GTF3C2: variants seen among roughly 807,000 people sequenced by gnomAD.
GTF3C2 encodes the protein general transcription factor 3C polypeptide 2.
A neutral mutation model predicts 117.4 loss-of-function variants in GTF3C2; 17 were observed. The observed-to-expected ratio is 0.14, with a 90% CI of 0.10 to 0.22. The LOEUF (loss-of-function observed/expected upper bound fraction) is 0.22. Ranked by LOEUF, GTF3C2 falls within the 10% of genes least tolerant of loss-of-function variation. The probability of loss-of-function intolerance (pLI) is 1.00; values close to 1 mark genes in which losing one functional copy is unlikely to be tolerated. For synonymous variants in GTF3C2, 437 were observed against 427.0 expected (o/e 1.02, Z -0.29); for missense variants, 888 against 1,143.6 (o/e 0.78, Z 3.22).
chr2:27,326,670 C>G, exon 19 of GTF3C2: 1 of 1,609,904 alleles, frequency 6.2e-7, no homozygotes, highest in East Asian at 2.2e-5. Flanking sequence ...TGGTGTGGGC[C>G]AAGGCTAGGG....
intron 1 of GTF3C2, among the ~76,000 whole-genome samples, chr2:27,354,877 T>C (rs1002467152): frequency 1.3e-5 from 2 of 152,178 alleles, no homozygotes; most frequent in Non-Finnish European, 1.5e-5. Flanking sequence ...ACAAATGAGT[T>C]AAAATACTAT....
At chr2:27,338,909 C>T (rs186206721) in intron 4 of GTF3C2, among the ~76,000 whole-genome samples, 1 of 152,226 alleles carries the variant, frequency 6.6e-6, no homozygotes, top group Non-Finnish European at 1.5e-5. Flanking sequence ...CTCAAGCAAT[C>T]CTCTTGCCTC....
intron 1 of GTF3C2, among the ~76,000 whole-genome samples, chr2:27,346,379 T>G: frequency 3.7e-5 from 4 of 107,934 alleles, no homozygotes; most frequent in East Asian, 3.1e-4. Flanking sequence ...TGAGACAGAG[T>G]CTCATTCTGT....
chr2:27,338,086 A>G, intron 4 of GTF3C2, 66 bp from the exon 5 acceptor site: 1 of 943,680 alleles, frequency 1.1e-6, no homozygotes, highest in South Asian at 1.3e-5. Flanking sequence ...TCCCAGAGAC[A>G]GCTCTTTCCC....
At chr2:27,352,992 A>C (rs938711424) in intron 1 of GTF3C2, among the ~76,000 whole-genome samples, 5 of 151,672 alleles carry the variant, frequency 3.3e-5, no homozygotes, top group African/African-American at 1.2e-4. Flanking sequence ...TTGTTTGCAA[A>C]CTCACCTCTT....
intron 1 of GTF3C2, among the ~76,000 whole-genome samples, chr2:27,349,383 G>A (rs1201349297): frequency 2.7e-5 from 4 of 149,454 alleles, no homozygotes; most frequent in African/African-American, 9.9e-5. Flanking sequence ...TCCTGACCTC[G>A]TGATCCGCCC....
exon 19 of GTF3C2, chr2:27,326,865 T>C (rs781703987): frequency 2.5e-5 from 41 of 1,613,308 alleles, no homozygotes; most frequent in Non-Finnish European, 3.1e-5. Flanking sequence ...CAGCCATCCA[T>C]AGGAGTCCAG....
rs1202036317 is a variant in GTF3C2, at chr2:27,335,764, T to C, written c.1468-58A>G. ...CCTTCAGCTGACTCACAGAAAACCTTTGAGGTTCTAGTCCCTGAAATACTG... is the reference window on the plus strand; with the variant it reads ...CCTTCAGCTGACTCACAGAAAACCTCTGAGGTTCTAGTCCCTGAAATACTG... On this transcript the variant is annotated intron_variant, in intron 9 of 18. Coordinates refer to ENST00000264720, the Ensembl canonical transcript of GTF3C2. The C allele has an allele frequency of 1.8e-5, 23 of 1,244,040 alleles. No homozygotes were observed. The Admixed American group carries it at 4.4e-4, about 24-fold the overall frequency. 77.1% of individuals were successfully genotyped at this position (1,244,040 alleles called of 1,614,324 possible).
chr2:27,337,538 T>C, exon 6 of GTF3C2: 1 of 1,610,732 alleles, frequency 6.2e-7, no homozygotes, highest in Non-Finnish European at 8.5e-7. Context: ...AAACTCCCAG[T>C]ATGAATGTTT....
chr2:27,350,383 A>C (rs1216433944), intron 1 of GTF3C2: 3 of 983,030 alleles, frequency 3.1e-6, no homozygotes, highest in African/African-American at 1.7e-5. Flanking sequence ...TCTGACGCAC[A>C]CTCAAGCTGA....
exon 19 of GTF3C2, chr2:27,326,082 G>GT: frequency 2.5e-6 from 1 of 396,194 alleles, no homozygotes. Context: ...GGAATACTTC[G>GT]TAAGCAGGAG....
chr2:27,334,100 A>AC lies in GTF3C2; in HGVS notation c.1577-102dup. 3 of 829,386 alleles carry AC rather than the reference A, an allele frequency of 3.6e-6. No homozygotes were observed. The South Asian group carries it at 4.1e-5, about 11-fold the overall frequency. The allele number at this position is 829,386 out of a possible 1,614,324, so 51.4% of individuals were successfully genotyped here. On this transcript the variant is annotated intron_variant, in intron 10 of 18. Transcript: ENST00000264720. ...GAGTGCAGTGGCATGATCATGGCTC[A>AC]CTGCAGCCTCCAACTCCTGGGCTCA...
At chr2:27,340,281 A>C (rs1198668199) in intron 4 of GTF3C2, 3 of 152,206 alleles carry the variant, frequency 2.0e-5, no homozygotes, top group Non-Finnish European at 1.5e-5. Flanking sequence ...GTCTGGCTGG[A>C]GTGCAATAAC....
chr2:27,343,903 A>T (rs116299695), intron 1 of GTF3C2, among the ~76,000 whole-genome samples: 4,291 of 152,256 alleles, frequency 0.028, 201 homozygotes, highest in African/African-American at 0.093. Flanking sequence ...TAAAATAAAA[A>T]AATTAAAAAC....
chr2:27,337,816 C>A, intron 5 of GTF3C2, 110 bp downstream of exon 5: 1 of 755,284 alleles, frequency 1.3e-6, no homozygotes, highest in Non-Finnish European at 2.4e-6. Flanking sequence ...AATGTCATCA[C>A]GGTATTCCAC....
chr2:27,349,530 A>C (rs1681050017), intron 1 of GTF3C2, among the ~76,000 whole-genome samples: 1 of 152,218 alleles, frequency 6.6e-6, no homozygotes, highest in African/African-American at 2.4e-5. Flanking sequence ...GAAAATACAA[A>C]GATCAACTAA....
At chr2:27,354,427 C>T (rs962466880) in intron 1 of GTF3C2, among the ~76,000 whole-genome samples, 2 of 152,274 alleles carry the variant, frequency 1.3e-5, no homozygotes, top group Non-Finnish European at 1.5e-5. Context: ...ACATAAGGAG[C>T]TAAATGGAAA....
chr2:27,341,640 G>A, intron 4 of GTF3C2: 1 of 273,742 alleles, frequency 3.7e-6, no homozygotes, highest in East Asian at 6.7e-5. Context: ...AAATCATTTT[G>A]TTCACTCCTG....
chr2:27,342,767 C>A, intron 3 of GTF3C2, 59 bp downstream of exon 3: 2 of 1,282,704 alleles, frequency 1.6e-6, no homozygotes, highest in Non-Finnish European at 2.2e-6. Flanking sequence ...CCAACATCTG[C>A]CCCACCCTGA....
Sources: gnomAD v4.1 joint callset for allele counts (sites outside exome capture counted in the v4.1 genomes callset) on GRCh38, gnomAD v4.1.1 for gene constraint, MANE v1.5 for transcripts, NCBI Gene and HGNC (gene_info 2026-07-23, HGNC 2026-07-21) for gene names.